Variants in SUPT3H observed in about 807,000 individuals in gnomAD.
SUPT3H encodes the protein SPT3 homolog, SAGA and STAGA complex component, also known as transcription initiation protein SPT3 homolog.
A neutral mutation model predicts 44.3 loss-of-function variants in SUPT3H; 44 were observed. That is an observed-to-expected ratio of 0.99 (90% CI 0.78 to 1.28). The LOEUF (loss-of-function observed/expected upper bound fraction) is 1.28, where lower values mean the gene tolerates loss of function less well. Among genes scored for constraint, SUPT3H ranks in the 50% most tolerant of loss-of-function variants. SUPT3H has a pLI of 0.00. For synonymous variants in SUPT3H, 124 were observed against 125.6 expected (o/e 0.99, Z 0.09); for missense variants, 380 against 387.1 (o/e 0.98, Z 0.15).
At chr6:44,918,080 C>T (rs62436376) in intron 10 of SUPT3H, among the ~76,000 whole-genome samples, 30,440 of 151,924 alleles carry the variant, frequency 0.2, 3,823 homozygotes, top group Non-Finnish European at 0.29. Context: ...CAAAATGATG[C>T]ATCATTTTGC....
At chr6:45,351,221 G>A (rs1197291763) in intron 2 of SUPT3H, among the ~76,000 whole-genome samples, 1 of 151,982 alleles carries the variant, frequency 6.6e-6, no homozygotes, top group Non-Finnish European at 1.5e-5. Flanking sequence ...CTCTAAATTA[G>A]TGAAAACACT....
At chr6:44,902,131 C>A (rs1167254501) in intron 10 of SUPT3H, among the ~76,000 whole-genome samples, 2 of 152,146 alleles carry the variant, frequency 1.3e-5, no homozygotes, top group Non-Finnish European at 2.9e-5. Flanking sequence ...AGCAAAATCA[C>A]CAGCTAACAT....
At chr6:45,263,440 A>G (rs1364057966) in intron 2 of SUPT3H, among the ~76,000 whole-genome samples, 5 of 152,160 alleles carry the variant, frequency 3.3e-5, no homozygotes, top group African/African-American at 1.2e-4. Flanking sequence ...TTAGGCAGAC[A>G]TGGATATAAA....
At chr6:44,928,905 G>GAAAAAAAAAAA (rs1210373765) in intron 10 of SUPT3H, among the ~76,000 whole-genome samples, 1 of 62,934 alleles carries the variant, frequency 1.6e-5, no homozygotes, top group African/African-American at 9.8e-5. Context: ...AAAAAAAAAA[G>GAAAAAAAAAAA]AAAAGAAAAG....
Position 45,263,842 on chromosome 6 carries a change from G to A in SUPT3H, c.101+101359C>T, listed in dbSNP as rs189134261. Among the ~76,000 whole-genome samples, 12 of 152,098 alleles carry A rather than the reference G, an allele frequency of 7.9e-5. No homozygotes were observed. The East Asian group carries it at 1.7e-3, about 22-fold the overall frequency. The stretch of plus-strand genomic sequence containing the variant: ...CGTAACCATCACACAAAGGCACCTT[G>A]GTGATTTCATAACATTGTATATTAT... On this transcript the variant is annotated intron_variant, in intron 2 of 10. Coordinates refer to ENST00000371459, the MANE Select transcript of SUPT3H (RefSeq NM_003599.4).
At chr6:45,001,044 A>C (rs1325122977) in intron 6 of SUPT3H, among the ~76,000 whole-genome samples, 1 of 152,130 alleles carries the variant, frequency 6.6e-6, no homozygotes, top group Non-Finnish European at 1.5e-5. Context: ...GGGTGACCAC[A>C]GTTCCTCACT....
At chr6:45,019,475 T>A (rs1583090949) in intron 4 of SUPT3H, among the ~76,000 whole-genome samples, 1 of 152,232 alleles carries the variant, frequency 6.6e-6, no homozygotes, top group East Asian at 1.9e-4. Context: ...TGCTTTCTCT[T>A]GTGGGCATTT....
At chr6:44,942,954 C>A (rs1346322465) in intron 9 of SUPT3H, among the ~76,000 whole-genome samples, 1 of 152,014 alleles carries the variant, frequency 6.6e-6, no homozygotes, top group Non-Finnish European at 1.5e-5. Flanking sequence ...AAACAGAATC[C>A]TAAAATGCCT....
At chr6:45,312,228 G>A (rs1442942961) in intron 2 of SUPT3H, among the ~76,000 whole-genome samples, 1 of 152,072 alleles carries the variant, frequency 6.6e-6, no homozygotes, top group Non-Finnish European at 1.5e-5. Flanking sequence ...AAGACAAAAG[G>A]CCGGGCACAG....
chr6:45,255,759 C>T (rs1773273374), intron 2 of SUPT3H, among the ~76,000 whole-genome samples: 2 of 152,126 alleles, frequency 1.3e-5, no homozygotes, highest in South Asian at 4.1e-4. Context: ...GTTTCAACAG[C>T]TTTATTGAGA....
At chr6:45,112,107 T>C (rs1161868221) in intron 2 of SUPT3H, among the ~76,000 whole-genome samples, 1 of 152,202 alleles carries the variant, frequency 6.6e-6, no homozygotes, top group Admixed American at 6.5e-5. Flanking sequence ...GATTAGATAA[T>C]TTTAAAGAAA....
chr6:44,953,320 T>C lies in SUPT3H; in HGVS notation c.791A>G (p.Asn264Ser), dbSNP rs535523430. 5 of 1,613,698 alleles carry C rather than the reference T, an allele frequency of 3.1e-6. No individual in the cohort carries two copies. The African/African-American group carries it at 4.0e-5, about 13-fold the overall frequency. Residue 264 changes from asparagine to serine, a missense_variant, in exon 9 of 11, where the codon AAC becomes AGC. By Grantham distance (46) the Asn-to-Ser change is conservative (BLOSUM62 1). Transcript: ENST00000371459. The stretch of plus-strand genomic sequence containing the variant: ...TTTTTTTGTACTTACCTCAGCAGAG[T>C]TGTGATACTGAATGAAGGTTGCAGA... ...AISATFIQYH[N>S]SAESTAACGV...
chr6:44,949,316 C>T (rs540219413), intron 9 of SUPT3H, among the ~76,000 whole-genome samples: 5 of 151,838 alleles, frequency 3.3e-5, no homozygotes, highest in East Asian at 1.9e-4. Flanking sequence ...GTGTAGCACA[C>T]CAACATGGCA....
intron 10 of SUPT3H, among the ~76,000 whole-genome samples, chr6:44,865,592 T>A (rs531485786): frequency 6.6e-6 from 1 of 152,266 alleles, no homozygotes; most frequent in East Asian, 1.9e-4. Context: ...ATGAAACAGG[T>A]TTTCCCTTAT....
At chr6:45,082,508 T>C (rs918066531) in intron 3 of SUPT3H, among the ~76,000 whole-genome samples, 1 of 151,966 alleles carries the variant, frequency 6.6e-6, no homozygotes, top group Admixed American at 6.6e-5. Context: ...TGTCAATAAA[T>C]GTAATTCATT....
intron 6 of SUPT3H, among the ~76,000 whole-genome samples, chr6:44,976,248 C>G (rs1328922022): frequency 1.3e-5 from 2 of 152,034 alleles, no homozygotes; most frequent in South Asian, 4.2e-4. Context: ...ATGACTATCA[C>G]GAAGATACAA....
chr6:45,269,367 C>A (rs571323879), intron 2 of SUPT3H, among the ~76,000 whole-genome samples: 1 of 152,282 alleles, frequency 6.6e-6, no homozygotes, highest in South Asian at 2.1e-4. Flanking sequence ...TTATTTAGAA[C>A]ATATTTTAGA....
chr6:45,362,407 G>T (rs1197529430), intron 2 of SUPT3H, among the ~76,000 whole-genome samples: 2 of 152,102 alleles, frequency 1.3e-5, no homozygotes, highest in African/African-American at 4.8e-5. Flanking sequence ...GCAGCAGTAG[G>T]GAGTCACAGA....
intron 10 of SUPT3H, among the ~76,000 whole-genome samples, chr6:44,852,846 G>A (rs970333596): frequency 4.6e-5 from 7 of 152,132 alleles, no homozygotes; most frequent in African/African-American, 1.7e-4. Context: ...CTGACCTTAG[G>A]GCAAGTGCAG....
Sources: allele counts gnomAD v4.1 joint callset (sites outside exome capture counted in the v4.1 genomes callset), GRCh38; gene constraint gnomAD v4.1.1; transcripts MANE v1.5; gene names NCBI Gene and HGNC (gene_info 2026-07-23, HGNC 2026-07-21).